The following PLEKHA8 variants were observed in gnomAD, a reference collection of about 807,000 sequenced individuals.
PLEKHA8 encodes the protein pleckstrin homology domain containing A8, also known as pleckstrin homology domain-containing family A member 8.
In PLEKHA8, 36 loss-of-function variants were observed where a neutral mutation model predicts 68.2. The ratio of observed to expected loss-of-function variants is 0.53; its 90% CI spans 0.40 to 0.70. The LOEUF is 0.70. Among genes scored for constraint, PLEKHA8 ranks in the 30% least tolerant of loss-of-function variants. PLEKHA8 has a pLI of 0.00. For synonymous variants in PLEKHA8, 211 were observed against 216.1 expected, an observed-to-expected ratio of 0.98 and a Z score of 0.20; for missense variants, 505 against 615.4, an observed-to-expected ratio of 0.82 and a Z score of 1.90.
At position 30,083,166 on chromosome 7, in the gene PLEKHA8, CTT is replaced by C. The variant is rs1795028614; in HGVS notation, c.*4381_*4382del. ...CTTAGAGGGCCTGACTTCAGATACT[CTT>C]TGTGATCTTGTAAGGGCTCTACACA... On this transcript the variant is annotated 3_prime_UTR_variant, in exon 14 of 14. Transcript: ENST00000449726. 1.0e-6 allele frequency: 1 copy of C among 983,028 alleles called. No individual in the cohort carries two copies. The highest frequency in any genetic ancestry group is 4.7e-5 in the South Asian group (1 of 21,244). 60.9% of individuals were successfully genotyped at this position (983,028 alleles called of 1,614,324 possible).
intron 1 of PLEKHA8, among the ~76,000 whole-genome samples, chr7:30,036,720 T>C (rs1266486429): frequency 6.6e-6 from 1 of 152,238 alleles, no homozygotes; most frequent in Non-Finnish European, 1.5e-5. Context: ...TATAGTCTTC[T>C]TACCATCTAC....
At chr7:30,047,590 C>T (rs1219157155) in intron 3 of PLEKHA8, among the ~76,000 whole-genome samples, 3 of 152,120 alleles carry the variant, frequency 2.0e-5, no homozygotes, top group Non-Finnish European at 2.9e-5. Flanking sequence ...GGTGATTATT[C>T]GGTATATTGC....
At position 30,074,131 on chromosome 7, in the gene PLEKHA8, C is replaced by A; in HGVS notation, c.1361C>A (p.Ala454Glu). ...GGCTGGGTAGTTCGAGGGGTTTTTG[C>A]GGTAAGTGATCCTTCTTGTCTCCTA... is the stretch of plus-strand genomic sequence containing the variant. ...HHGWVVRGVF[A>E]LALRAAPSYE... Residue 454 changes from alanine to glutamate, a missense_variant and splice_region_variant, in exon 13 of 14, where the codon GCG (alanine) becomes GAG (glutamate). By Grantham distance (107) the Ala-to-Glu change is moderately radical. Coordinates refer to ENST00000449726, the MANE Select transcript of PLEKHA8 (RefSeq NM_001197026.2). The A allele has an allele frequency of 6.2e-7, 1 of 1,611,876 alleles. No homozygotes were observed. The highest frequency in any genetic ancestry group is 8.5e-7 in the Non-Finnish European group (1 of 1,178,414).
intron 12 of PLEKHA8, among the ~76,000 whole-genome samples, chr7:30,066,834 A>G (rs2127991469): frequency 6.6e-6 from 1 of 152,342 alleles, no homozygotes; most frequent in South Asian, 2.1e-4. Context: ...AGAATAGAAA[A>G]AATTTTAAAA....
intron 12 of PLEKHA8, among the ~76,000 whole-genome samples, chr7:30,067,880 T>C (rs1793971216): frequency 6.6e-6 from 1 of 152,274 alleles, no homozygotes; most frequent in Non-Finnish European, 1.5e-5. Context: ...ATACTGTTAA[T>C]GGACACAGTT....
chr7:30,041,065 C>T (rs766706517), intron 1 of PLEKHA8, among the ~76,000 whole-genome samples: 6 of 152,186 alleles, frequency 3.9e-5, no homozygotes, highest in Non-Finnish European at 8.8e-5. Flanking sequence ...TTCATCCATG[C>T]CTCTTTTCTC....
At chr7:30,097,531 T>C (rs1188174233) in intron 13 of PLEKHA8, among the ~76,000 whole-genome samples, 1 of 152,228 alleles carries the variant, frequency 6.6e-6, no homozygotes, top group African/African-American at 2.4e-5. Context: ...CGTTTCTTTT[T>C]ATTCTTTTTT....
downstream of PLEKHA8, chr7:30,129,834 G>A (rs556096084): frequency 2.0e-4 from 31 of 156,180 alleles, no homozygotes; most frequent in African/African-American, 4.1e-4. Context: ...AATTAGTGGC[G>A]AAGTCATAAT....
chr7:30,100,278 C>T (rs1401695031), intron 13 of PLEKHA8, among the ~76,000 whole-genome samples: 8 of 152,130 alleles, frequency 5.3e-5, no homozygotes, highest in South Asian at 2.1e-4. Context: ...GGACTAGGCA[C>T]GGTGGCTCAC....
At chr7:30,118,510 G>A (rs903669366) in intron 13 of PLEKHA8, among the ~76,000 whole-genome samples, 8 of 152,082 alleles carry the variant, frequency 5.3e-5, no homozygotes, top group Non-Finnish European at 1.2e-4. Flanking sequence ...AAGCCATTGG[G>A]ATCTTTTCTT....
chr7:30,054,994 C>T, intron 8 of PLEKHA8, 129 bp downstream of exon 8: 1 of 945,906 alleles, frequency 1.1e-6, no homozygotes, highest in Non-Finnish European at 1.6e-6. Context: ...CAAGTACCTG[C>T]TTTACTGTTT....
chr7:30,036,039 T>G (rs1791045379), intron 1 of PLEKHA8, among the ~76,000 whole-genome samples: 1 of 152,026 alleles, frequency 6.6e-6, no homozygotes, highest in Non-Finnish European at 1.5e-5. Flanking sequence ...GCAGATCGCT[T>G]GAGGCCAGGA....
intron 13 of PLEKHA8, among the ~76,000 whole-genome samples, chr7:30,108,090 A>AAAAAAAAAAAAAAC (rs1796139364): frequency 2.7e-5 from 4 of 148,858 alleles, no homozygotes; most frequent in African/African-American, 9.9e-5. Context: ...AAAAAAAAAA[A>AAAAAAAAAAAAAAC]AACCTACATT....
intron 9 of PLEKHA8, 89 bp downstream of exon 9, chr7:30,055,431 T>C: frequency 1.8e-6 from 2 of 1,131,744 alleles, no homozygotes; most frequent in Non-Finnish European, 2.7e-6. Flanking sequence ...CCAAACTATG[T>C]GTACAGTGAG....
At chr7:30,127,908 TAAG>T (rs1453811267) in intron 13 of PLEKHA8, among the ~76,000 whole-genome samples, 2 of 152,200 alleles carry the variant, frequency 1.3e-5, no homozygotes, top group Non-Finnish European at 2.9e-5. Flanking sequence ...ATGAGTTAAT[TAAG>T]AAGTTAAATA....
chr7:30,098,560 G>A (rs972888851), intron 13 of PLEKHA8, among the ~76,000 whole-genome samples: 36 of 152,322 alleles, frequency 2.4e-4, no homozygotes, highest in East Asian at 7.7e-4. Context: ...CCTCGCTGCC[G>A]CCTTGCAGTT....
Position 30,079,312 on chromosome 7 carries a change from G to A in PLEKHA8, c.*525G>A, listed in dbSNP as rs551856338. 69 of 987,374 alleles carry A rather than the reference G, an allele frequency of 7.0e-5. 1 individual carries two copies. In the African/African-American group the frequency reaches 1.1e-3, roughly 16 times the overall value. 61.2% of individuals were successfully genotyped at this position (987,374 alleles called of 1,614,324 possible). Reference sequence around the variant, plus strand: ...AACTCTGTCAGTGATAAGGGCCTGTGTAGTAAAGATGTTCAGGGCATTCAC... The same window carrying A: ...AACTCTGTCAGTGATAAGGGCCTGTATAGTAAAGATGTTCAGGGCATTCAC... On this transcript the variant is annotated 3_prime_UTR_variant, in exon 14 of 14. Coordinates refer to ENST00000449726, the MANE Select transcript of PLEKHA8 (RefSeq NM_001197026.2).
At chr7:30,086,684 C>T (rs1236876016), downstream of PLEKHA8, among the ~76,000 whole-genome samples, 4 of 152,292 alleles carry the variant, frequency 2.6e-5, no homozygotes, top group Non-Finnish European at 5.9e-5. Context: ...AACCTGGACA[C>T]ACCTGGAAGA....
intron 13 of PLEKHA8, 26 bp from the exon 14 acceptor site, chr7:30,078,564 G>T (rs769238192): frequency 4.2e-5 from 68 of 1,611,860 alleles, no homozygotes; most frequent in Non-Finnish European, 5.6e-5. Flanking sequence ...ACTTGATGCA[G>T]ATTCTCATGG....
Sources: allele counts gnomAD v4.1 joint callset (sites outside exome capture counted in the v4.1 genomes callset), GRCh38; gene constraint gnomAD v4.1.1; transcripts MANE v1.5; gene names NCBI Gene and HGNC (gene_info 2026-07-23, HGNC 2026-07-21).